Variants in PTPRT observed in about 807,000 individuals in gnomAD.
PTPRT encodes protein tyrosine phosphatase receptor type T.
A neutral mutation model predicts 176.8 loss-of-function variants in PTPRT; 56 were observed. That is an observed-to-expected ratio of 0.32 (90% CI 0.26 to 0.40). The LOEUF (loss-of-function observed/expected upper bound fraction) is 0.40, where lower values mean the gene tolerates loss of function less well. Ranked by LOEUF, PTPRT falls within the 10% of genes least tolerant of loss-of-function variation. The pLI, the probability that PTPRT is intolerant of heterozygous loss-of-function variation, is 1.00. For missense variants in PTPRT, 1,540 were observed against 1,908.2 expected (o/e 0.81, Z 3.60); for synonymous variants, 783 against 739.0 (o/e 1.06, Z -0.96).
chr20:42,940,107 C>G (rs1426100566), intron 1 of PTPRT, among the ~76,000 whole-genome samples: 5 of 152,172 alleles, frequency 3.3e-5, no homozygotes, highest in Non-Finnish European at 7.4e-5. Context: ...GTCCTTATTA[C>G]TTTAGTTCTA....
At chr20:42,159,147 T>C (rs1369914203) in intron 17 of PTPRT, among the ~76,000 whole-genome samples, 1 of 152,016 alleles carries the variant, frequency 6.6e-6, no homozygotes, top group Non-Finnish European at 1.5e-5. Context: ...TTAATGATAT[T>C]TGAAATTTTT....
intron 2 of PTPRT, among the ~76,000 whole-genome samples, chr20:42,837,860 T>A (rs1247223933): frequency 6.6e-6 from 1 of 151,972 alleles, no homozygotes; most frequent in East Asian, 1.9e-4. Context: ...GAAAACGGGA[T>A]AGGATTGGGG....
chr20:42,953,069 A>G (rs1981357679), intron 1 of PTPRT, among the ~76,000 whole-genome samples: 2 of 152,172 alleles, frequency 1.3e-5, no homozygotes, highest in Non-Finnish European at 1.5e-5. Flanking sequence ...CTTTTTAACA[A>G]CACTCTGTGC....
At chr20:42,784,765 G>A (rs1472196484) in intron 3 of PTPRT, among the ~76,000 whole-genome samples, 1 of 152,070 alleles carries the variant, frequency 6.6e-6, no homozygotes, top group Non-Finnish European at 1.5e-5. Flanking sequence ...TTTTTCCTAG[G>A]CAGGTGATGG....
At chr20:43,124,852 A>G (rs1006864223) in intron 1 of PTPRT, among the ~76,000 whole-genome samples, 1 of 152,224 alleles carries the variant, frequency 6.6e-6, no homozygotes, top group Non-Finnish European at 1.5e-5. Flanking sequence ...TCATGAGCAA[A>G]CGTGGAGTGT....
rs372056802 is a variant in PTPRT, at chr20:42,161,482, C to A, written c.2552G>T (p.Arg851Leu). The A allele has an allele frequency of 6.2e-7, 1 of 1,613,928 alleles. No homozygotes were observed. Among genetic ancestry groups the A allele is most frequent in the South Asian group, 1.1e-5 (1 of 91,046 alleles). ...GCTCATCTCCACAGGGTCACAGGTGCGGTAGGGATGAGTCTGGATCGTGAG... is the reference window on the plus strand; with the variant it reads ...GCTCATCTCCACAGGGTCACAGGTGAGGTAGGGATGAGTCTGGATCGTGAG... The part of the protein sequence containing the change: ...PTLTIQTHPY[R>L]TCDPVEMSYP... The change falls in exon 17 of 31, where the codon CGC becomes CTC. Residue 851 changes from arginine to leucine, a missense_variant. Around this residue, in one of 11 missense-constraint regions of PTPRT, gnomAD observed 255 missense variants for 250.1 expected, o/e 1.02. Transcript: ENST00000373187.
At position 42,098,964 on chromosome 20, in the gene PTPRT, C is replaced by T. The variant is rs370013686; in HGVS notation, c.3715-412G>A. On this transcript the variant is annotated intron_variant, in intron 26 of 30. Coordinates refer to ENST00000373187, the MANE Select transcript of PTPRT (RefSeq NM_007050.6). ...GCGAGGTTTTGGGTCGGCCTGAGGC[C>T]GAGATTCTCCCAAAGGGGCAGGCTC... Among the ~76,000 whole-genome samples, 6 of 152,346 alleles carry T rather than the reference C, an allele frequency of 3.9e-5. No individual in the cohort carries two copies. In the East Asian group the frequency reaches 5.8e-4, roughly 15 times the overall value.
chr20:42,314,807 T>A (rs929540556), intron 12 of PTPRT, among the ~76,000 whole-genome samples: 24 of 152,218 alleles, frequency 1.6e-4, no homozygotes, highest in African/African-American at 5.3e-4. Flanking sequence ...TAGGAAATAT[T>A]TCAGTAAGTA....
intron 4 of PTPRT, among the ~76,000 whole-genome samples, chr20:42,776,122 C>T (rs2077131706): frequency 6.6e-6 from 1 of 152,164 alleles, no homozygotes; most frequent in African/African-American, 2.4e-5. Flanking sequence ...TGCACTATCT[C>T]CGATGCCTGA....
At chr20:42,998,712 T>C (rs1252343474) in intron 1 of PTPRT, among the ~76,000 whole-genome samples, 1 of 152,208 alleles carries the variant, frequency 6.6e-6, no homozygotes, top group East Asian at 1.9e-4. Flanking sequence ...CTCATTTCAG[T>C]CTTATTTAAG....
chr20:42,891,478 T>C (rs2079191750), intron 1 of PTPRT, among the ~76,000 whole-genome samples: 1 of 152,192 alleles, frequency 6.6e-6, no homozygotes, highest in Non-Finnish European at 1.5e-5. Flanking sequence ...GGAAATTGGA[T>C]TTTGAAAATC....
chr20:42,600,911 G>A (rs938747075), intron 7 of PTPRT, among the ~76,000 whole-genome samples: 1 of 152,160 alleles, frequency 6.6e-6, no homozygotes, highest in African/African-American at 2.4e-5. Context: ...ATACCACAAG[G>A]AATATGTGAG....
At chr20:42,829,612 G>C (rs1309176493) in intron 2 of PTPRT, among the ~76,000 whole-genome samples, 1 of 152,180 alleles carries the variant, frequency 6.6e-6, no homozygotes, top group Non-Finnish European at 1.5e-5. Context: ...CCTGTAATCA[G>C]AGCTGAACTG....
intron 8 of PTPRT, among the ~76,000 whole-genome samples, chr20:42,467,301 G>T (rs574829369): frequency 2.0e-4 from 31 of 152,260 alleles, no homozygotes; most frequent in African/African-American, 7.5e-4. Context: ...AAGAAAAAAG[G>T]TGCCACATTT....
At chr20:42,137,863 C>G (rs1460179620) in intron 18 of PTPRT, among the ~76,000 whole-genome samples, 1 of 152,206 alleles carries the variant, frequency 6.6e-6, no homozygotes, top group Non-Finnish European at 1.5e-5. Flanking sequence ...TGCCTGACCT[C>G]ATGTCTAAGA....
intron 2 of PTPRT, among the ~76,000 whole-genome samples, chr20:42,830,035 C>T (rs2078058771): frequency 6.6e-6 from 1 of 152,116 alleles, no homozygotes; most frequent in South Asian, 2.1e-4. Flanking sequence ...AGATCTGGTA[C>T]CCTTCCTACC....
chr20:42,593,257 A>T (rs144529931), intron 7 of PTPRT, among the ~76,000 whole-genome samples: 2 of 152,104 alleles, frequency 1.3e-5, no homozygotes, highest in Non-Finnish European at 2.9e-5. Context: ...GCACATCTTC[A>T]TCTAGTGGTC....
intron 2 of PTPRT, among the ~76,000 whole-genome samples, chr20:42,804,784 C>T (rs750402053): frequency 1.6e-4 from 24 of 152,248 alleles, no homozygotes; most frequent in Admixed American, 1.3e-4. Flanking sequence ...ATGTACCCCT[C>T]CTCCTTATCT....
chr20:42,609,173 A>C lies in PTPRT; in HGVS notation c.1153+68693T>G, dbSNP rs549568522. On this transcript the variant is annotated intron_variant, in intron 7 of 30. Transcript: ENST00000373187. ...ACTGCAACCTCCACCTCCTGGGTTC[A>C]AGTGATTCTCCTGCCTCAGCCTCCT... Among the ~76,000 whole-genome samples, 114 of 152,222 alleles carry C rather than the reference A, an allele frequency of 7.5e-4. No individual in the cohort carries two copies. In the Middle Eastern group the frequency reaches 0.014, roughly 18 times the overall value.
Sources: gnomAD v4.1 joint callset for allele counts (sites outside exome capture counted in the v4.1 genomes callset) on GRCh38, gnomAD v4.1.1 for gene constraint, gnomAD v4.1.1 regional missense constraint, MANE v1.5 for transcripts, NCBI Gene and HGNC (gene_info 2026-07-23, HGNC 2026-07-21) for gene names.